REPS1: variants seen among roughly 807,000 people sequenced by gnomAD.
The protein encoded by REPS1 is ralBP1-associated Eps domain-containing protein 1.
Under a neutral mutation model 100.9 loss-of-function variants are expected in REPS1, and 39 were observed. The ratio of observed to expected loss-of-function variants is 0.39; its 90% CI spans 0.30 to 0.50. REPS1 has a LOEUF of 0.50. Ranked by LOEUF, REPS1 falls within the 20% of genes least tolerant of loss-of-function variation. The probability of loss-of-function intolerance (pLI) is 0.86; values close to 1 mark genes in which losing one functional copy is unlikely to be tolerated. For synonymous variants in REPS1, 324 were observed against 340.3 expected (o/e 0.95, Z 0.53); for missense variants, 821 against 968.5 (o/e 0.85, Z 2.02).
chr6:138,943,522 G>A lies in REPS1; in HGVS notation c.971C>T (p.Ser324Phe). ...TKSKLPILELSHIWELSDFDK... is the reference protein window; with the variant it reads ...TKSKLPILELFHIWELSDFDK... Reference sequence around the variant, plus strand: ...GATATACCACACTTACCAAATATGAGAAAGTTCAAGAATAGGAAGTTTTGA... The same window carrying A: ...GATATACCACACTTACCAAATATGAAAAAGTTCAAGAATAGGAAGTTTTGA... The change falls in exon 7 of 20, where the codon TCT becomes TTT. Residue 324 changes from serine (S) to phenylalanine (F), a missense_variant. This residue lies in a region of REPS1 where 757 missense variants were observed against 866.4 expected (regional missense o/e 0.87). Coordinates refer to ENST00000450536, the MANE Select transcript of REPS1 (RefSeq NM_001286611.2). 3 of 1,583,710 alleles carry A rather than the reference G, an allele frequency of 1.9e-6. No homozygotes were observed. The highest frequency in any genetic ancestry group is 2.6e-6 in the Non-Finnish European group (3 of 1,154,134).
At chr6:138,979,163 A>G (rs1384811542) in intron 1 of REPS1, among the ~76,000 whole-genome samples, 1 of 136,742 alleles carries the variant, frequency 7.3e-6, no homozygotes, top group Non-Finnish European at 1.5e-5. Flanking sequence ...CCTGGGCGAC[A>G]GAGCGAGAAT....
intron 1 of REPS1, among the ~76,000 whole-genome samples, chr6:138,954,309 A>G (rs1202764780): frequency 2.0e-5 from 3 of 152,058 alleles, no homozygotes; most frequent in Non-Finnish European, 4.4e-5. Context: ...TAGCTAGGGG[A>G]AGGATACTGA....
At chr6:138,966,994 TGAG>T (rs1441587472) in intron 1 of REPS1, among the ~76,000 whole-genome samples, 1 of 152,218 alleles carries the variant, frequency 6.6e-6, no homozygotes, top group Non-Finnish European at 1.5e-5. Flanking sequence ...ACAACAGTGT[TGAG>T]AGGCAGGACC....
At chr6:138,976,372 T>G (rs988238666) in intron 1 of REPS1, among the ~76,000 whole-genome samples, 1 of 152,188 alleles carries the variant, frequency 6.6e-6, no homozygotes, top group Non-Finnish European at 1.5e-5. Flanking sequence ...TAGCTCCTTA[T>G]GCAAACTCAG....
chr6:138,911,408 T>C (rs367856116), intron 16 of REPS1, 37 bp from the exon 17 acceptor site: 3 of 1,266,856 alleles, frequency 2.4e-6, no homozygotes, highest in Non-Finnish European at 3.5e-6. Context: ...TAATTCTACA[T>C]AACATGTAAT....
At chr6:138,960,723 A>G (rs1214274778) in intron 1 of REPS1, among the ~76,000 whole-genome samples, 1 of 152,228 alleles carries the variant, frequency 6.6e-6, no homozygotes, top group Non-Finnish European at 1.5e-5. Flanking sequence ...CTTCGATACT[A>G]CATCAAAATT....
chr6:138,970,947 C>T (rs563035546), intron 1 of REPS1, among the ~76,000 whole-genome samples: 2 of 152,128 alleles, frequency 1.3e-5, no homozygotes, highest in South Asian at 2.1e-4. Flanking sequence ...AAATGAGTAA[C>T]ACCAGAAGCA....
chr6:138,907,577 G>A lies in REPS1; in HGVS notation c.2240C>T (p.Ala747Val). Residue 747 changes from alanine (A) to valine (V), a missense_variant, in exon 19 of 20, where the codon GCT becomes GTT. Coordinates refer to ENST00000450536, the MANE Select transcript of REPS1 (RefSeq NM_001286611.2). The stretch of plus-strand genomic sequence containing the variant: ...ATTACGTCTAATTGATGCCTGAATA[G>A]CTTTCTTATCTTTCCCAACAGATCT... Reference protein sequence around the residue: ...IPRSVGKDKKAIQASIRRNKE... With the variant: ...IPRSVGKDKKVIQASIRRNKE... 1 of 1,612,872 alleles carries A rather than the reference G, an allele frequency of 6.2e-7. No homozygotes were observed. The highest frequency in any genetic ancestry group is 1.1e-5 in the South Asian group (1 of 91,046).
chr6:138,911,840 G>A (rs1780034327), intron 16 of REPS1, among the ~76,000 whole-genome samples: 1 of 151,970 alleles, frequency 6.6e-6, no homozygotes, highest in Non-Finnish European at 1.5e-5. Flanking sequence ...AGATGTGTGA[G>A]GGAGAGGAGG....
At position 138,917,641 on chromosome 6, in the gene REPS1, T is replaced by C; in HGVS notation, c.1529-14A>G. ...TGTAACCATCTGCTGATAAATGGGA[T>C]ATGTCCTATTTAATAATAATCATTT... On this transcript the variant is annotated splice_polypyrimidine_tract_variant and intron_variant, in intron 12 of 19. Coordinates refer to ENST00000450536, the MANE Select transcript of REPS1 (RefSeq NM_001286611.2). The C allele has an allele frequency of 6.3e-7, 1 of 1,588,968 alleles. No individual in the cohort carries two copies.
intron 18 of REPS1, among the ~76,000 whole-genome samples, chr6:138,908,241 G>A (rs1451326588): frequency 6.6e-6 from 1 of 152,104 alleles, no homozygotes; most frequent in Non-Finnish European, 1.5e-5. Flanking sequence ...ACATGAGGAG[G>A]CTCTGCTCAA....
At chr6:138,954,348 T>G (rs912593176) in intron 1 of REPS1, among the ~76,000 whole-genome samples, 2 of 152,044 alleles carry the variant, frequency 1.3e-5, no homozygotes, top group Non-Finnish European at 2.9e-5. Context: ...AATGATAAAA[T>G]GTTTGAGATG....
At chr6:138,918,841 G>C (rs997638082) in intron 12 of REPS1, among the ~76,000 whole-genome samples, 2 of 152,070 alleles carry the variant, frequency 1.3e-5, no homozygotes, top group South Asian at 4.1e-4. Context: ...TAGACTAAGA[G>C]TTGTGACAGA....
At chr6:138,936,353 C>T (rs1781837103) in intron 8 of REPS1, among the ~76,000 whole-genome samples, 3 of 152,060 alleles carry the variant, frequency 2.0e-5, no homozygotes, top group South Asian at 4.1e-4. Flanking sequence ...CTGACCAAAA[C>T]CATAATCTTT....
chr6:138,926,595 G>C (rs943377344), intron 9 of REPS1, 114 bp from the exon 10 acceptor site: 9 of 688,056 alleles, frequency 1.3e-5, no homozygotes, highest in Admixed American at 5.0e-5. Context: ...TGTTTCATAG[G>C]TTTAACAAAA....
At chr6:138,956,076 T>C (rs540965534) in intron 1 of REPS1, among the ~76,000 whole-genome samples, 2 of 152,296 alleles carry the variant, frequency 1.3e-5, no homozygotes, top group African/African-American at 2.4e-5. Flanking sequence ...ATGAGTGTTA[T>C]AATTTCTGAT....
intron 19 of REPS1, 174 bp downstream of exon 19, chr6:138,907,321 T>TGTGTGTGG: frequency 2.4e-6 from 1 of 409,940 alleles, no homozygotes; most frequent in Non-Finnish European, 4.4e-6. Context: ...AAAGTGTGTG[T>TGTGTGTGG]GTGTGTGTGT....
chr6:138,940,006 C>T (rs1782121080), intron 8 of REPS1, among the ~76,000 whole-genome samples: 1 of 152,132 alleles, frequency 6.6e-6, no homozygotes, highest in South Asian at 2.1e-4. Context: ...GCATCAAATC[C>T]ACATTTCAGG....
At chr6:138,912,189 C>G (rs996092197) in intron 16 of REPS1, among the ~76,000 whole-genome samples, 1 of 152,152 alleles carries the variant, frequency 6.6e-6, no homozygotes, top group Non-Finnish European at 1.5e-5. Flanking sequence ...CAATTTAGGT[C>G]AGAGATTCCT....
Sources: allele counts gnomAD v4.1 joint callset (sites outside exome capture counted in the v4.1 genomes callset), GRCh38; gene constraint gnomAD v4.1.1; regional missense constraint gnomAD v4.1.1; transcripts MANE v1.5; gene names NCBI Gene and HGNC (gene_info 2026-07-23, HGNC 2026-07-21).